NETO1: variants seen among roughly 807,000 people sequenced by gnomAD.
The protein encoded by NETO1 is neuropilin and tolloid like 1, also known as neuropilin and tolloid-like protein 1.
A neutral mutation model predicts 61.3 loss-of-function variants in NETO1; 26 were observed. The observed-to-expected ratio is 0.42, with a 90% CI of 0.31 to 0.59. The LOEUF (loss-of-function observed/expected upper bound fraction) is 0.59. Ranked by LOEUF, NETO1 falls within the 20% of genes least tolerant of loss-of-function variation. The probability of loss-of-function intolerance (pLI) is 0.12; values close to 1 mark genes in which losing one functional copy is unlikely to be tolerated. For missense variants in NETO1, 531 were observed against 662.8 expected (o/e 0.80, Z 2.18); for synonymous variants, 225 against 225.8 (o/e 1.00, Z 0.03).
intron 6 of NETO1, among the ~76,000 whole-genome samples, chr18:72,792,260 C>T (rs560678826): frequency 1.0e-3 from 153 of 152,068 alleles, no homozygotes; most frequent in African/African-American, 3.3e-3. Context: ...GGAGAAACCC[C>T]GTCTCTAATA....
intron 6 of NETO1, among the ~76,000 whole-genome samples, chr18:72,793,112 G>C (rs376664030): frequency 6.6e-6 from 1 of 152,092 alleles, no homozygotes; most frequent in South Asian, 2.1e-4. Context: ...CTGAGAACAG[G>C]GCCTGGCCTG....
chr18:72,864,398 G>A (rs1273733292), intron 3 of NETO1, among the ~76,000 whole-genome samples: 1 of 152,086 alleles, frequency 6.6e-6, no homozygotes, highest in Non-Finnish European at 1.5e-5. Context: ...ACATTAATAC[G>A]ATTTTTGTAA....
At chr18:72,850,384 A>G (rs574380750) in intron 4 of NETO1, among the ~76,000 whole-genome samples, 15 of 152,364 alleles carry the variant, frequency 9.8e-5, no homozygotes, top group African/African-American at 3.6e-4. Context: ...ATGGCATGCA[A>G]ATTATAAAAT....
chr18:72,775,424 A>C (rs762363376), intron 7 of NETO1, among the ~76,000 whole-genome samples: 14 of 152,200 alleles, frequency 9.2e-5, no homozygotes, highest in Non-Finnish European at 2.1e-4. Context: ...ATGATGGCTA[A>C]AAATGCATTC....
At chr18:72,850,441 T>C (rs896402697) in intron 4 of NETO1, among the ~76,000 whole-genome samples, 1 of 152,202 alleles carries the variant, frequency 6.6e-6, no homozygotes, top group Non-Finnish European at 1.5e-5. Flanking sequence ...CTATGGGTTG[T>C]TTATAATTCC....
At chr18:72,826,655 T>A (rs1040590580) in intron 4 of NETO1, among the ~76,000 whole-genome samples, 1 of 152,188 alleles carries the variant, frequency 6.6e-6, no homozygotes, top group Non-Finnish European at 1.5e-5. Flanking sequence ...GTGAGACAGG[T>A]TCACTGTGTG....
At chr18:72,852,415 C>T (rs984080760) in intron 4 of NETO1, among the ~76,000 whole-genome samples, 7 of 152,174 alleles carry the variant, frequency 4.6e-5, no homozygotes, top group African/African-American at 1.7e-4. Flanking sequence ...CAGGGTTTCA[C>T]CGTGTTAGCC....
intron 4 of NETO1, among the ~76,000 whole-genome samples, chr18:72,827,820 TACAGC>T (rs1446280000): frequency 6.6e-6 from 1 of 151,990 alleles, no homozygotes; most frequent in Non-Finnish European, 1.5e-5. Flanking sequence ...TTACGACTCC[TACAGC>T]AATACTTCTG....
At chr18:72,786,884 A>G (rs2071938195) in intron 6 of NETO1, among the ~76,000 whole-genome samples, 1 of 151,486 alleles carries the variant, frequency 6.6e-6, no homozygotes. Context: ...ACTGCACTCC[A>G]GCCTGGGCGA....
chr18:72,820,323 G>A (rs1302277310), intron 4 of NETO1, among the ~76,000 whole-genome samples: 1 of 152,210 alleles, frequency 6.6e-6, no homozygotes, highest in African/African-American at 2.4e-5. Flanking sequence ...CACAGATGTA[G>A]AGCAATTAAA....
chr18:72,811,980 G>A (rs1283937210), intron 4 of NETO1, among the ~76,000 whole-genome samples: 1 of 152,132 alleles, frequency 6.6e-6, no homozygotes, highest in Non-Finnish European at 1.5e-5. Context: ...AAGCAGCTCT[G>A]AGCACACAAA....
intron 6 of NETO1, among the ~76,000 whole-genome samples, chr18:72,791,495 G>A (rs1278603363): frequency 6.6e-6 from 1 of 152,170 alleles, no homozygotes; most frequent in African/African-American, 2.4e-5. Flanking sequence ...ATTTAACAGA[G>A]AAAGCCTGTT....
rs201286193 is a variant in NETO1 at position 72,789,772 on chromosome 18, CCT to C, written c.639+4343_639+4344del. On this transcript the variant is annotated intron_variant, in intron 6 of 10. Coordinates refer to ENST00000327305, the MANE Select transcript of NETO1 (RefSeq NM_138966.5). ...ACTCCTAGAACACATTTCTTAATCC[CCT>C]GATTCTCTTACTTCCCCTTTCATTC... Among the ~76,000 whole-genome samples, 944 of 152,240 alleles carry C rather than the reference CCT, an allele frequency of 6.2e-3. 12 individuals carry two copies. The highest frequency in any genetic ancestry group is 0.043 in the South Asian group (208 of 4,828).
At chr18:72,865,645 G>T in intron 1 of NETO1, 1 of 1,583,930 alleles carries the variant, frequency 6.3e-7, no homozygotes, top group South Asian at 1.2e-5. Context: ...GAAAAGGAGA[G>T]GCAAACAATG....
chr18:72,759,170 C>T (rs753445205), intron 7 of NETO1, among the ~76,000 whole-genome samples: 6 of 152,094 alleles, frequency 3.9e-5, no homozygotes, highest in Admixed American at 6.6e-5. Flanking sequence ...CTGACCTATC[C>T]GGCACCGTGT....
At chr18:72,861,425 CTCAACT>C (rs941061037) in intron 3 of NETO1, among the ~76,000 whole-genome samples, 2 of 152,196 alleles carry the variant, frequency 1.3e-5, no homozygotes, top group African/African-American at 4.8e-5. Flanking sequence ...CTCTAACTCT[CTCAACT>C]TCAATTTGCT....
intron 4 of NETO1, chr18:72,834,702 T>C (rs565459772): frequency 1.0e-6 from 1 of 985,160 alleles, no homozygotes; most frequent in South Asian, 4.7e-5. Context: ...GGGCGAATAA[T>C]AATACGCTCT....
intron 4 of NETO1, among the ~76,000 whole-genome samples, chr18:72,812,039 G>A (rs867665474): frequency 2.0e-5 from 3 of 152,166 alleles, no homozygotes; most frequent in African/African-American, 7.2e-5. Flanking sequence ...CCTTAAAACC[G>A]CAATTGTAAG....
intron 8 of NETO1, 135 bp downstream of exon 8, chr18:72,755,899 A>G: frequency 1.9e-6 from 1 of 526,540 alleles, no homozygotes. Flanking sequence ...TTACAAATCA[A>G]TTATAAGACA....
Sources: gnomAD v4.1 joint callset for allele counts (sites outside exome capture counted in the v4.1 genomes callset) on GRCh38, gnomAD v4.1.1 for gene constraint, MANE v1.5 for transcripts, NCBI Gene and HGNC (gene_info 2026-07-23, HGNC 2026-07-21) for gene names.